The following CSPG4 variants were observed in gnomAD, a reference collection of about 807,000 sequenced individuals.
CSPG4 encodes chondroitin sulfate proteoglycan 4 (melanoma-associated).
In CSPG4, 74 loss-of-function variants were observed where a neutral mutation model predicts 139.3. That is an observed-to-expected ratio of 0.53 (90% CI 0.44 to 0.64). CSPG4 has a LOEUF of 0.64. Ranked by LOEUF, CSPG4 falls within the 30% of genes least tolerant of loss-of-function variation. The pLI is 0.00. For missense variants in CSPG4, 2,565 were observed against 3,148.3 expected, an observed-to-expected ratio of 0.81 and a Z score of 4.43; for synonymous variants, 1,234 against 1,394.2, an observed-to-expected ratio of 0.89 and a Z score of 2.56.
intron 1 of CSPG4, among the ~76,000 whole-genome samples, chr15:75,706,957 T>C (rs562746785): frequency 5.3e-5 from 8 of 151,052 alleles, no homozygotes; most frequent in Admixed American, 2.6e-4. Flanking sequence ...TAAGAACTTT[T>C]TTTTTTTTTT....
Position 75,674,408 on chromosome 15 carries a change from G to T in CSPG4, c.*1142C>A, listed in dbSNP as rs1354085779. 7 of 299,602 alleles carry T rather than the reference G, an allele frequency of 2.3e-5. No individual in the cohort carries two copies. The highest frequency in any genetic ancestry group is 1.0e-4 in the Admixed American group (2 of 19,566). 18.6% of individuals were successfully genotyped at this position (299,602 alleles called of 1,614,324 possible). A position where few individuals can be genotyped will look rare whatever the true frequency, so the allele number is the denominator to read the frequency against. ...TTTCTCTACTGAACTGAAGGGGTTTGGTCCCATCACCCGAAGACTGGCCCA... is the reference window on the plus strand; with the variant it reads ...TTTCTCTACTGAACTGAAGGGGTTTTGTCCCATCACCCGAAGACTGGCCCA... On this transcript the variant is annotated 3_prime_UTR_variant, in exon 10 of 10. Coordinates refer to ENST00000308508, the MANE Select transcript of CSPG4 (RefSeq NM_001897.5).
At chr15:75,684,363 C>T (rs1176315964) in intron 5 of CSPG4, among the ~76,000 whole-genome samples, 1 of 152,246 alleles carries the variant, frequency 6.6e-6, no homozygotes, top group African/African-American at 2.4e-5. Context: ...AAGCCATGGC[C>T]TTCACTTGCT....
At chr15:75,685,739 C>T (rs752824727) in intron 3 of CSPG4, 38 bp from the exon 4 acceptor site, 3 of 1,551,514 alleles carry the variant, frequency 1.9e-6, no homozygotes, top group South Asian at 2.4e-5. Flanking sequence ...CAGGGGGCCA[C>T]AGAGGGGGTC....
rs1247156262 is a variant in CSPG4, at chr15:75,675,523, G to A, written c.*27C>T. 6.8e-6 allele frequency: 10 copies of A among 1,465,680 alleles called. No individual in the cohort carries two copies. The highest frequency in any genetic ancestry group is 2.8e-5 in the African/African-American group (2 of 70,564). 90.8% of individuals were successfully genotyped at this position (1,465,680 alleles called of 1,614,324 possible). A position where few individuals can be genotyped will look rare whatever the true frequency, so the allele number is the denominator to read the frequency against. On this transcript the variant is annotated 3_prime_UTR_variant, in exon 10 of 10. Coordinates refer to ENST00000308508, the MANE Select transcript of CSPG4 (RefSeq NM_001897.5). ...ACATGGGCAAGCCTGTCCCTGGCCCGATCAGCATCTGGGCCCAGGCCAGGC... is the reference window on the plus strand; with the variant it reads ...ACATGGGCAAGCCTGTCCCTGGCCCAATCAGCATCTGGGCCCAGGCCAGGC...
Position 75,689,029 on chromosome 15 carries a change from A to G in CSPG4, c.2036T>C (p.Met679Thr). The change falls in exon 3 of 10, where the codon ATG becomes ACG. Residue 679 changes from methionine (M) to threonine (T), a missense_variant. Around this residue, in one of 5 missense-constraint regions of CSPG4, gnomAD observed 2,316 missense variants for 2,818.2 expected, o/e 0.82. Transcript: ENST00000308508. Reference sequence around the variant, plus strand: ...CGACAGGTTGGCGGGCAAGATGGGCATGGCAGAGCCTTGGGCCAGTCGCAA... The same window carrying G: ...CGACAGGTTGGCGGGCAAGATGGGCGTGGCAGAGCCTTGGGCCAGTCGCAA... ...TGLRLAQGSAMPILPANLSVE... is the reference protein window; with the variant it reads ...TGLRLAQGSATPILPANLSVE... The G allele has an allele frequency of 1.9e-6, 3 of 1,611,946 alleles. No homozygotes were observed. In the African/African-American group the frequency reaches 4.0e-5, roughly 21 times the overall value.
At chr15:75,677,414 C>T in intron 9 of CSPG4, 30 bp from the exon 10 acceptor site, 1 of 1,408,518 alleles carries the variant, frequency 7.1e-7, no homozygotes, top group African/African-American at 1.5e-5. Context: ...TATGAGGGTC[C>T]AGCCCACTGA....
rs755803758 is a variant in CSPG4, at chr15:75,685,892, A to G, written c.3790-191T>C. The stretch of plus-strand genomic sequence containing the variant: ...AGCAGCCAGACATGCAGCTGGTCAC[A>G]TTTTTTGTTTTTTGAGACAGGGTCT... On this transcript the variant is annotated intron_variant, in intron 3 of 9. Transcript: ENST00000308508. Among the ~76,000 whole-genome samples, 16 of 152,150 alleles carry G rather than the reference A, an allele frequency of 1.1e-4. No individual in the cohort carries two copies. The East Asian group carries it at 2.7e-3, about 26-fold the overall frequency.
rs1894124931 is a variant in CSPG4, at chr15:75,689,442, G to C, written c.1623C>G (p.Leu541=). ...PSCLRRGQTY[L]LPIQVNPVND... is the part of the protein sequence containing the mutation. ...TGACAGGGTTGACCTGGATGGGCAG[G>C]AGGTATGTTTGGCCCCTCCGAAGGC... Residue 541 remains leucine, a synonymous_variant, in exon 3 of 10, where the codon CTC becomes CTG. Coordinates refer to ENST00000308508, the MANE Select transcript of CSPG4 (RefSeq NM_001897.5). 3 of 1,612,678 alleles carry C rather than the reference G, an allele frequency of 1.9e-6. No individual in the cohort carries two copies. Among genetic ancestry groups the C allele is most frequent in the African/African-American group, 2.7e-5 (2 of 74,918 alleles).
At position 75,682,476 on chromosome 15, in the gene CSPG4, G is replaced by C. The variant is rs1893987625; in HGVS notation, c.4784-17C>G. On this transcript the variant is annotated splice_polypyrimidine_tract_variant and intron_variant, in intron 7 of 9. Coordinates refer to ENST00000308508, the MANE Select transcript of CSPG4 (RefSeq NM_001897.5). Reference sequence around the variant, plus strand: ...GGACGGACCCTGCCAGAGGCAAAAGGGGATATCAGATTTTGACTGGGAGCC... The same window carrying C: ...GGACGGACCCTGCCAGAGGCAAAAGCGGATATCAGATTTTGACTGGGAGCC... The C allele has an allele frequency of 1.9e-6, 3 of 1,572,924 alleles. No homozygotes were observed. Among genetic ancestry groups the C allele is most frequent in the Non-Finnish European group, 2.6e-6 (3 of 1,163,318 alleles).
intron 1 of CSPG4, among the ~76,000 whole-genome samples, chr15:75,707,248 C>T (rs1181418002): frequency 6.6e-6 from 1 of 152,118 alleles, no homozygotes; most frequent in Non-Finnish European, 1.5e-5. Context: ...TGAGCCACCG[C>T]GCCTGGCCTC....
Position 75,674,866 on chromosome 15 carries a change from A to C in CSPG4, c.*684T>G. 1 of 398,730 alleles carries C rather than the reference A, an allele frequency of 2.5e-6. No individual in the cohort carries two copies. Among genetic ancestry groups the C allele is most frequent in the Non-Finnish European group, 4.4e-6 (1 of 226,142 alleles). The allele number at this position is 398,730 out of a possible 1,614,324, so 24.7% of individuals were successfully genotyped here. The stretch of plus-strand genomic sequence containing the variant: ...TCCATCCCACACCCCCAGGGGCTCC[A>C]TCAGTCCTGGCTAGCTCAGCACCAT... On this transcript the variant is annotated 3_prime_UTR_variant, in exon 10 of 10. Transcript: ENST00000308508.
At chr15:75,708,876 C>A (rs1430199599) in intron 1 of CSPG4, among the ~76,000 whole-genome samples, 1 of 152,180 alleles carries the variant, frequency 6.6e-6, no homozygotes, top group Non-Finnish European at 1.5e-5. Context: ...AAAATAATTA[C>A]CCTGGTGTGG....
At position 75,712,803 on chromosome 15, in the gene CSPG4, G is replaced by A; in HGVS notation, c.-48C>T. On this transcript the variant is annotated 5_prime_UTR_variant, in exon 1 of 10. Coordinates refer to ENST00000308508, the MANE Select transcript of CSPG4 (RefSeq NM_001897.5). ...CTTGCGAGGAGCCAGCGGAGTCCTG[G>A]GAGCTGGGAGCTGAGTGGAGCGAGC... 2.0e-6 allele frequency: 3 copies of A among 1,468,656 alleles called. No homozygotes were observed. The South Asian group carries it at 3.9e-5, about 19-fold the overall frequency. 91.0% of individuals were successfully genotyped at this position (1,468,656 alleles called of 1,614,324 possible). A position where few individuals can be genotyped will look rare whatever the true frequency, so the allele number is the denominator to read the frequency against.
chr15:75,682,575 C>A (rs1431256313), intron 7 of CSPG4, 32 bp downstream of exon 7: 17 of 1,606,990 alleles, frequency 1.1e-5, no homozygotes, highest in Non-Finnish European at 1.3e-5. Context: ...CAGCTCCTGG[C>A]ACCCAGGAAT....
In CSPG4 at chr15:75,702,158, G is replaced by A. The variant is rs73441077; in HGVS notation, c.89-8925C>T. Among the ~76,000 whole-genome samples, 265 of 152,254 alleles carry A rather than the reference G, an allele frequency of 1.7e-3. 1 individual carries two copies. The highest frequency in any genetic ancestry group is 6.2e-3 in the African/African-American group (256 of 41,540). On this transcript the variant is annotated intron_variant, in intron 1 of 9. Transcript: ENST00000308508. ...GCCCCAGGGTCAGGCCCCCACCCCCGGGTGGCACTGAAGGCCAGGGTGCCC... is the reference window on the plus strand; with the variant it reads ...GCCCCAGGGTCAGGCCCCCACCCCCAGGTGGCACTGAAGGCCAGGGTGCCC...
At chr15:75,686,632 C>G (rs1163945056) in intron 3 of CSPG4, among the ~76,000 whole-genome samples, 1 of 152,242 alleles carries the variant, frequency 6.6e-6, no homozygotes, top group Non-Finnish European at 1.5e-5. Flanking sequence ...CCTCCTCCCG[C>G]GAGGCCTTCC....
chr15:75,688,104 A>T lies in CSPG4; in HGVS notation c.2961T>A (p.Val987=), dbSNP rs1333420935. The change falls in exon 3 of 10, where the codon GTT becomes GTA. Residue 987 remains valine (V), a synonymous_variant. Coordinates refer to ENST00000308508, the MANE Select transcript of CSPG4 (RefSeq NM_001897.5). The part of the protein sequence containing the change: ...SETTEDDIPF[V]ATRQGESSGD... ...CACTGCTCTCGCCCTGGCGGGTAGC[A>T]ACAAATGGGATATCATCTTCTGTGG... is the stretch of plus-strand genomic sequence containing the variant. 7 of 1,612,746 alleles carry T rather than the reference A, an allele frequency of 4.3e-6. No individual in the cohort carries two copies. The highest frequency in any genetic ancestry group is 5.9e-6 in the Non-Finnish European group (7 of 1,179,884).
In CSPG4 at chr15:75,674,692, C is replaced by T. The variant is rs1344169190; in HGVS notation, c.*858G>A. 3 of 398,886 alleles carry T rather than the reference C, an allele frequency of 7.5e-6. No individual in the cohort carries two copies. The highest frequency in any genetic ancestry group is 1.3e-5 in the Non-Finnish European group (3 of 226,152). The allele number at this position is 398,886 out of a possible 1,614,324, so 24.7% of individuals were successfully genotyped here. A position where few individuals can be genotyped will look rare whatever the true frequency, so the allele number is the denominator to read the frequency against. On this transcript the variant is annotated 3_prime_UTR_variant, in exon 10 of 10. Coordinates refer to ENST00000308508, the MANE Select transcript of CSPG4 (RefSeq NM_001897.5). ...AGTGCCCCCAGCTGCCTGCCCTAGT[C>T]CTCAGGGGGGCACTGGCACCGCAGT... is the stretch of plus-strand genomic sequence containing the variant.
chr15:75,709,913 G>A (rs1345114744), intron 1 of CSPG4, among the ~76,000 whole-genome samples: 2 of 151,804 alleles, frequency 1.3e-5, no homozygotes, highest in African/African-American at 2.4e-5. Context: ...TCTCGAGTCC[G>A]GGTGGGCTGG....
Sources: allele counts gnomAD v4.1 joint callset (sites outside exome capture counted in the v4.1 genomes callset), GRCh38; gene constraint gnomAD v4.1.1; regional missense constraint gnomAD v4.1.1; transcripts MANE v1.5; gene names NCBI Gene and HGNC (gene_info 2026-07-23, HGNC 2026-07-21).